MTHFD1L: variants seen among roughly 807,000 people sequenced by gnomAD.
MTHFD1L encodes the protein methylenetetrahydrofolate dehydrogenase (NADP+ dependent) 1 like, also known as monofunctional C1-tetrahydrofolate synthase, mitochondrial.
In MTHFD1L, 81 loss-of-function variants were observed where a neutral mutation model predicts 119.5. The observed-to-expected ratio is 0.68, with a 90% confidence interval of 0.57 to 0.82. MTHFD1L has a LOEUF of 0.82. MTHFD1L is among the 40% of genes least tolerant of loss of function. The pLI is 0.00. For synonymous variants in MTHFD1L, 430 were observed against 475.2 expected, an observed-to-expected ratio of 0.90 and a Z score of 1.24; for missense variants, 1,125 against 1,253.4, an observed-to-expected ratio of 0.90 and a Z score of 1.55.
rs145626547 is a variant in MTHFD1L, at chr6:150,998,121, A to G, written c.2126-11698A>G. On this transcript the variant is annotated intron_variant, in intron 20 of 27. Transcript: ENST00000367321. Reference sequence around the variant, plus strand: ...ACAGTGCTACTTTCACTTACTATATATGATGTAGTCTAATAATTTTCTATC... The same window carrying G: ...ACAGTGCTACTTTCACTTACTATATGTGATGTAGTCTAATAATTTTCTATC... Among the ~76,000 whole-genome samples the G allele has an allele frequency of 4.5e-3, 677 of 150,326 alleles. 2 individuals are homozygous for G. The highest frequency in any genetic ancestry group is 8.1e-3 in the Non-Finnish European group (545 of 67,628).
At chr6:150,909,085 A>G (rs903476883) in intron 8 of MTHFD1L, among the ~76,000 whole-genome samples, 4 of 152,118 alleles carry the variant, frequency 2.6e-5, no homozygotes, top group African/African-American at 9.7e-5. Context: ...GAGACATTTT[A>G]TGGAATACGT....
chr6:150,878,548 G>A (rs889413213), intron 4 of MTHFD1L, among the ~76,000 whole-genome samples: 3 of 152,158 alleles, frequency 2.0e-5, no homozygotes, highest in Non-Finnish European at 4.4e-5. Context: ...TACTGTGCCC[G>A]GCCTAGAAGT....
At chr6:151,060,489 T>C (rs1790483577) in intron 26 of MTHFD1L, among the ~76,000 whole-genome samples, 1 of 152,162 alleles carries the variant, frequency 6.6e-6, no homozygotes, top group African/African-American at 2.4e-5. Context: ...CTGAAAGAGC[T>C]GACGTCTGGG....
intron 24 of MTHFD1L, among the ~76,000 whole-genome samples, chr6:151,023,059 T>G (rs918982843): frequency 6.6e-6 from 1 of 150,728 alleles, no homozygotes; most frequent in African/African-American, 2.4e-5. Context: ...TTTTTTTTTT[T>G]TTTTTGAGGC....
chr6:151,050,751 C>T (rs1788899037), intron 26 of MTHFD1L, among the ~76,000 whole-genome samples: 1 of 152,064 alleles, frequency 6.6e-6, no homozygotes, highest in African/African-American at 2.4e-5. Context: ...CACATTTGGT[C>T]ACAGAAGTCT....
chr6:150,967,786 G>A (rs1172248057), intron 19 of MTHFD1L, among the ~76,000 whole-genome samples: 1 of 152,070 alleles, frequency 6.6e-6, no homozygotes, highest in Non-Finnish European at 1.5e-5. Context: ...CTGCACGAGT[G>A]CAGCAGCCTC....
At chr6:151,088,410 A>C (rs555151712) in intron 26 of MTHFD1L, 1 of 152,136 alleles carries the variant, frequency 6.6e-6, no homozygotes, top group East Asian at 1.9e-4. Context: ...AAACAAGAGG[A>C]AAGACATTTC....
At chr6:150,928,615 C>T (rs1349898629) in intron 11 of MTHFD1L, among the ~76,000 whole-genome samples, 3 of 149,382 alleles carry the variant, frequency 2.0e-5, no homozygotes, top group African/African-American at 7.4e-5. Flanking sequence ...GATTTTGGCT[C>T]GCTGCAACCT....
chr6:150,879,536 C>A (rs1026810307), intron 4 of MTHFD1L, among the ~76,000 whole-genome samples: 4 of 151,246 alleles, frequency 2.6e-5, no homozygotes, highest in African/African-American at 9.7e-5. Context: ...TGATGGCCTG[C>A]CTCTGCCTCC....
chr6:151,069,145 C>T (rs1218966458), intron 26 of MTHFD1L, among the ~76,000 whole-genome samples: 2 of 152,168 alleles, frequency 1.3e-5, no homozygotes, highest in African/African-American at 4.8e-5. Flanking sequence ...GCAGTGAGTA[C>T]TTATTTTATA....
intron 17 of MTHFD1L, 38 bp from the exon 18 acceptor site, chr6:150,960,237 A>G (rs1425433570): frequency 2.5e-6 from 4 of 1,575,920 alleles, no homozygotes; most frequent in Non-Finnish European, 3.4e-6. Flanking sequence ...TCCCACTGGC[A>G]CTGTCGCTGA....
chr6:150,881,909 A>AT (rs772334411), intron 4 of MTHFD1L, among the ~76,000 whole-genome samples: 1 of 152,170 alleles, frequency 6.6e-6, no homozygotes, highest in Non-Finnish European at 1.5e-5. Context: ...ACAGGTAGTG[A>AT]TTTTTGCTAG....
At chr6:150,972,781 C>T (rs117305105) in intron 20 of MTHFD1L, among the ~76,000 whole-genome samples, 405 of 152,300 alleles carry the variant, frequency 2.7e-3, no homozygotes, top group Non-Finnish European at 4.9e-3. Flanking sequence ...ACAGTTTCTC[C>T]TTGTTTTTTG....
Position 151,092,464 on chromosome 6 carries a change from C to T in MTHFD1L, c.2848-3C>T. On this transcript the variant is annotated splice_polypyrimidine_tract_variant and splice_region_variant and intron_variant, in intron 26 of 27. Coordinates refer to ENST00000367321, the MANE Select transcript of MTHFD1L (RefSeq NM_015440.5). ...ATCTGTAACGCTTGGTTTTCTCCCC[C>T]AGATGAGCACCATGCCAGGACTGCC... is the stretch of plus-strand genomic sequence containing the variant. The T allele has an allele frequency of 1.9e-6, 3 of 1,609,224 alleles. No homozygotes were observed. Among genetic ancestry groups the T allele is most frequent in the Non-Finnish European group, 2.5e-6 (3 of 1,178,746 alleles).
chr6:151,092,806 C>A (rs959153538), intron 27 of MTHFD1L, among the ~76,000 whole-genome samples: 2 of 152,238 alleles, frequency 1.3e-5, no homozygotes, highest in Non-Finnish European at 1.5e-5. Context: ...CCCTTAGTGT[C>A]CTGCGCTCGA....
At chr6:150,874,900 C>T (rs1276238459) in intron 1 of MTHFD1L, among the ~76,000 whole-genome samples, 4 of 151,930 alleles carry the variant, frequency 2.6e-5, no homozygotes, top group African/African-American at 9.7e-5. Context: ...TAGGCGCCTG[C>T]CACCACACCC....
intron 16 of MTHFD1L, among the ~76,000 whole-genome samples, chr6:150,953,331 TG>T (rs1309701022): frequency 6.6e-6 from 1 of 152,186 alleles, no homozygotes; most frequent in Non-Finnish European, 1.5e-5. Context: ...CTAAAAGGGA[TG>T]GTCCAGAGCA....
rs111724670 is a variant in MTHFD1L at position 151,018,811 on chromosome 6, G to A, written c.2586+3118G>A. Among the ~76,000 whole-genome samples, 283 of 152,304 alleles carry A rather than the reference G, an allele frequency of 1.9e-3. 3 individuals carry two copies. Among genetic ancestry groups the A allele is most frequent in the Non-Finnish European group, 3.2e-3 (221 of 68,038 alleles). On this transcript the variant is annotated intron_variant, in intron 24 of 27. Transcript: ENST00000367321. ...TCGCTGGCACGCAGTCAGTGTTTACGGAAGGAAGGACACAGGGAATTAATT... is the reference window on the plus strand; with the variant it reads ...TCGCTGGCACGCAGTCAGTGTTTACAGAAGGAAGGACACAGGGAATTAATT...
chr6:150,922,633 T>C (rs531730361), intron 10 of MTHFD1L, among the ~76,000 whole-genome samples: 2 of 114,720 alleles, frequency 1.7e-5, no homozygotes, highest in Non-Finnish European at 3.3e-5. Flanking sequence ...ATGGCAGTGT[T>C]TTCCCCCCCC....
Sources: allele counts gnomAD v4.1 joint callset (sites outside exome capture counted in the v4.1 genomes callset), GRCh38; gene constraint gnomAD v4.1.1; transcripts MANE v1.5; gene names NCBI Gene and HGNC (gene_info 2026-07-23, HGNC 2026-07-21).